RAP1GAP: variants seen among roughly 807,000 people sequenced by gnomAD.
RAP1GAP encodes the protein RAP1 GTPase activating protein.
RAP1GAP carries 35 observed loss-of-function variants against 87.2 expected under a neutral mutation model. That is an observed-to-expected ratio of 0.40 (90% CI 0.31 to 0.53). The LOEUF is 0.53. RAP1GAP is among the 20% of genes least tolerant of loss of function. The pLI is 0.48. For missense variants in RAP1GAP, 734 were observed against 898.9 expected, an observed-to-expected ratio of 0.82 and a Z score of 2.35; for synonymous variants, 375 against 363.9, an observed-to-expected ratio of 1.03 and a Z score of -0.35.
intron 2 of RAP1GAP, 121 bp downstream of exon 2, chr1:21,649,638 TGA>T: frequency 8.4e-7 from 1 of 1,189,684 alleles, no homozygotes; most frequent in Non-Finnish European, 1.2e-6. Flanking sequence ...CCCCTTGCCC[TGA>T]GAGGATGGTT....
In RAP1GAP at chr1:21,622,612, C is replaced by CGCGGGGCGGG. The variant is rs530100303; in HGVS notation, c.-18-2572_-18-2563dup. On this transcript the variant is annotated intron_variant, in intron 3 of 24. Coordinates refer to ENST00000374765, the MANE Select transcript of RAP1GAP (RefSeq NM_002885.4). The surrounding 1 kb of genome is among the most constrained non-coding windows in gnomAD (Gnocchi z 5.7). ...GGGGCGCCAGGTACGGGCGGCACGG[C>CGCGGGGCGGG]GCGGGGCGGGGCGGGGCGGGGGCGC... The CGCGGGGCGGG allele has an allele frequency of 5.5e-5, 8 of 146,314 alleles. No individual in the cohort carries two copies. In the South Asian group the frequency reaches 1.4e-3, roughly 26 times the overall value. The allele number at this position is 146,314 out of a possible 1,614,324, so 9.1% of individuals were successfully genotyped here. A position where few individuals can be genotyped will look rare whatever the true frequency, so the allele number is the denominator to read the frequency against.
intron 6 of RAP1GAP, 53 bp from the exon 7 acceptor site, chr1:21,617,544 C>T: frequency 3.9e-6 from 6 of 1,535,276 alleles, no homozygotes; most frequent in Non-Finnish European, 5.3e-6. Context: ...ACTGGGCGCC[C>T]CAGGACACCC....
chr1:21,651,815 C>T, intron 1 of RAP1GAP: 1 of 1,298,462 alleles, frequency 7.7e-7, no homozygotes, highest in Non-Finnish European at 9.8e-7. Flanking sequence ...GCGCTTCCGG[C>T]CGCTCATGGT....
At chr1:21,651,384 C>T (rs1253400669) in intron 1 of RAP1GAP, 2 of 525,622 alleles carry the variant, frequency 3.8e-6, no homozygotes, top group African/African-American at 3.8e-5. Flanking sequence ...GCCCCTACTC[C>T]CACATACCTA....
In RAP1GAP at chr1:21,613,294, G is replaced by A; in HGVS notation, c.475-65C>T. The A allele has an allele frequency of 1.4e-6, 2 of 1,411,320 alleles. No individual in the cohort carries two copies. The highest frequency in any genetic ancestry group is 2.0e-6 in the Non-Finnish European group (2 of 996,422). 87.4% of individuals were successfully genotyped at this position (1,411,320 alleles called of 1,614,324 possible). ...CAGGGAGGAGAGGATGGGGCTGCCT[G>A]GGCCTCCCTGGTCAAGGTCTGGGGA... On this transcript the variant is annotated intron_variant, in intron 9 of 24. Transcript: ENST00000374765. The surrounding 1 kb of genome is among the most constrained non-coding windows in gnomAD (Gnocchi z 4.7).
At chr1:21,618,067 T>C in intron 5 of RAP1GAP, 95 bp from the exon 6 acceptor site, 1 of 1,471,896 alleles carries the variant, frequency 6.8e-7, no homozygotes, top group South Asian at 1.1e-5. Flanking sequence ...GGGCTGAGAG[T>C]GCGGATGGGG....
At position 21,615,474 on chromosome 1, in the gene RAP1GAP, C is replaced by T. The variant is rs1485033973; in HGVS notation, c.292-1385G>A. On this transcript the variant is annotated intron_variant, in intron 7 of 24. Coordinates refer to ENST00000374765, the MANE Select transcript of RAP1GAP (RefSeq NM_002885.4). The surrounding 1 kb of genome is among the most constrained non-coding windows in gnomAD (Gnocchi z 4.5). ...TGGCACCATCTCAGCTCACTGCAAT[C>T]TCCACCTCCCAGGTTCAAGCGATTC... is the stretch of plus-strand genomic sequence containing the variant. Among the ~76,000 whole-genome samples, 1 of 152,126 alleles carries T rather than the reference C, an allele frequency of 6.6e-6. No individual in the cohort carries two copies. The highest frequency in any genetic ancestry group is 6.5e-5 in the Admixed American group (1 of 15,286).
intron 15 of RAP1GAP, 59 bp from the exon 16 acceptor site, chr1:21,608,995 G>A: frequency 6.9e-7 from 1 of 1,449,434 alleles, no homozygotes. Flanking sequence ...ACATAAACAA[G>A]GGTCGGAACC....
intron 6 of RAP1GAP, 103 bp from the exon 7 acceptor site, chr1:21,617,594 G>T: frequency 1.5e-6 from 2 of 1,311,544 alleles, no homozygotes; most frequent in South Asian, 1.4e-5. Flanking sequence ...CGTGGCTAAG[G>T]GGTATGAGGG....
intron 2 of RAP1GAP, among the ~76,000 whole-genome samples, chr1:21,629,785 T>C (rs1570987445): frequency 6.6e-6 from 1 of 152,194 alleles, no homozygotes; most frequent in East Asian, 1.9e-4. Context: ...ACCTCCTGCT[T>C]TCCACACGAA....
intron 2 of RAP1GAP, among the ~76,000 whole-genome samples, chr1:21,629,258 G>A (rs767616677): frequency 2.0e-5 from 3 of 152,168 alleles, no homozygotes; most frequent in Admixed American, 6.5e-5. Context: ...TGCGGCCGTG[G>A]CTGCCCAGTG....
At chr1:21,647,801 C>A (rs1323714899) in intron 2 of RAP1GAP, among the ~76,000 whole-genome samples, 1 of 152,058 alleles carries the variant, frequency 6.6e-6, no homozygotes, top group Non-Finnish European at 1.5e-5. Flanking sequence ...GTGTGGGGAT[C>A]AAGAAAGAAA....
intron 7 of RAP1GAP, among the ~76,000 whole-genome samples, chr1:21,616,924 C>T (rs2082549568): frequency 6.6e-6 from 1 of 152,208 alleles, no homozygotes; most frequent in African/African-American, 2.4e-5. Context: ...ACTAAAGCCT[C>T]ACAGCAACCT....
rs2070097646 is a variant in RAP1GAP at position 21,602,901 on chromosome 1, G to A, written c.1441C>T (p.Pro481Ser). The A allele has an allele frequency of 6.2e-7, 1 of 1,609,850 alleles. No individual in the cohort carries two copies. Among genetic ancestry groups the A allele is most frequent in the Non-Finnish European group, 8.5e-7 (1 of 1,179,082 alleles). The change falls in exon 19 of 25, where the codon CCT (proline) becomes TCT (serine). Residue 481 changes from proline to serine, a missense_variant. By Grantham distance (74) the Pro-to-Ser change is moderately conservative. Around this residue, in one of 2 missense-constraint regions of RAP1GAP, gnomAD observed 485 missense variants for 646.2 expected, o/e 0.75. Transcript: ENST00000374765. ...AKAAGISLIV[P>S]GKSPTRKKSG... ...TTCTTCCTCGTGGGGCTCTTCCCAG[G>A]GACAATCAGTGACTGTGGGGAGAGG...
At chr1:21,633,627 C>T (rs9426773) in intron 2 of RAP1GAP, among the ~76,000 whole-genome samples, 1 of 151,450 alleles carries the variant, frequency 6.6e-6, no homozygotes, top group African/African-American at 2.4e-5. Flanking sequence ...GCTGGGAGAC[C>T]GGACACGGAA....
chr1:21,645,195 G>A (rs1210921301), intron 2 of RAP1GAP, among the ~76,000 whole-genome samples: 2 of 152,180 alleles, frequency 1.3e-5, no homozygotes, highest in African/African-American at 2.4e-5. Flanking sequence ...AATGACCACA[G>A]CTCTATCGCT....
rs1192296258 is a variant in RAP1GAP, at chr1:21,617,510, G to A, written c.106-19C>T. The stretch of plus-strand genomic sequence containing the variant: ...CCAAGACCTGAAGAGGGACTCAGCT[G>A]AGAGCCACCCCACACTGTACCCCAC... On this transcript the variant is annotated intron_variant, in intron 6 of 24. Coordinates refer to ENST00000374765, the MANE Select transcript of RAP1GAP (RefSeq NM_002885.4). 2 of 1,579,308 alleles carry A rather than the reference G, an allele frequency of 1.3e-6. No individual in the cohort carries two copies. Among genetic ancestry groups the A allele is most frequent in the Non-Finnish European group, 1.7e-6 (2 of 1,162,868 alleles).
At chr1:21,666,597 A>G (rs2097357030) in intron 1 of RAP1GAP, among the ~76,000 whole-genome samples, 1 of 152,130 alleles carries the variant, frequency 6.6e-6, no homozygotes, top group African/African-American at 2.4e-5. Context: ...GTCCACATGA[A>G]TCAGAAAAGA....
chr1:21,608,276 C>T lies in RAP1GAP; in HGVS notation c.1233G>A (p.Leu411=). The T allele has an allele frequency of 6.2e-7, 1 of 1,614,150 alleles. No individual in the cohort carries two copies. Among genetic ancestry groups the T allele is most frequent in the Non-Finnish European group, 8.5e-7 (1 of 1,179,996 alleles). Residue 411 remains leucine (L), a synonymous_variant, in exon 17 of 25, where the codon TTG becomes TTA. Transcript: ENST00000374765. ...LHIHSQSMMG[L]GGDEDKMENG... is the part of the protein sequence containing the mutation. ...TCTCCATCTTGTCCTCGTCGCCGCC[C>T]AAGCCCATCATGGACTGGCTGTGGA...
Sources: gnomAD v4.1 joint callset for allele counts (sites outside exome capture counted in the v4.1 genomes callset) on GRCh38, gnomAD v4.1.1 for gene constraint, gnomAD v4.1.1 regional missense constraint, Gnocchi (gnomAD v3.1) non-coding constraint, MANE v1.5 for transcripts, NCBI Gene and HGNC (gene_info 2026-07-23, HGNC 2026-07-21) for gene names.